Variants in ZRANB3 observed in about 807,000 individuals in gnomAD.
ZRANB3 encodes the protein DNA annealing helicase and endonuclease ZRANB3.
Under a neutral mutation model 133.8 loss-of-function variants are expected in ZRANB3, and 125 were observed. The ratio of observed to expected loss-of-function variants is 0.93; its 90% CI spans 0.81 to 1.08. The LOEUF is 1.08. ZRANB3 is among the 50% of genes least tolerant of loss of function. The pLI is 0.00. For missense variants in ZRANB3, 1,229 were observed against 1,275.5 expected (o/e 0.96, Z 0.56); for synonymous variants, 387 against 432.7 (o/e 0.89, Z 1.31).
intron 3 of ZRANB3, among the ~76,000 whole-genome samples, chr2:135,387,168 G>C (rs892452606): frequency 2.6e-5 from 4 of 151,816 alleles, no homozygotes; most frequent in South Asian, 4.2e-4. Context: ...AAAAAAAGTA[G>C]GTTCAATAAC....
intron 6 of ZRANB3, among the ~76,000 whole-genome samples, chr2:135,322,727 T>A (rs767201824): frequency 2.6e-5 from 4 of 151,530 alleles, no homozygotes; most frequent in Admixed American, 6.6e-5. Context: ...CTTAAAAAAA[T>A]TTTTGTTGAC....
intron 1 of ZRANB3, among the ~76,000 whole-genome samples, chr2:135,513,303 G>A (rs1213836968): frequency 6.6e-6 from 1 of 152,126 alleles, no homozygotes; most frequent in Non-Finnish European, 1.5e-5. Context: ...CTTCCTGGTT[G>A]TAAAATTTAC....
At chr2:135,294,432 G>A (rs1236454620) in intron 8 of ZRANB3, among the ~76,000 whole-genome samples, 9 of 152,144 alleles carry the variant, frequency 5.9e-5, no homozygotes, top group African/African-American at 1.9e-4. Context: ...CTGTGGGATC[G>A]GCGGTGATAT....
intron 3 of ZRANB3, 49 bp downstream of exon 3, chr2:135,390,753 A>G: frequency 6.4e-7 from 1 of 1,556,038 alleles, no homozygotes; most frequent in Non-Finnish European, 8.7e-7. Flanking sequence ...GACACTAAAA[A>G]CAAGCTGTGT....
At chr2:135,228,958 T>A (rs958527741) in intron 13 of ZRANB3, among the ~76,000 whole-genome samples, 2 of 152,142 alleles carry the variant, frequency 1.3e-5, no homozygotes, top group Non-Finnish European at 2.9e-5. Context: ...AAAGGAAAAA[T>A]CAGAACTATA....
intron 6 of ZRANB3, among the ~76,000 whole-genome samples, chr2:135,336,554 T>C (rs1304202031): frequency 1.3e-5 from 2 of 152,172 alleles, no homozygotes; most frequent in Non-Finnish European, 2.9e-5. Flanking sequence ...AGTAAAGGAA[T>C]AACATAAAAC....
chr2:135,493,214 G>A (rs1272888867), intron 2 of ZRANB3, among the ~76,000 whole-genome samples: 1 of 134,102 alleles, frequency 7.5e-6, no homozygotes, highest in East Asian at 2.2e-4. Flanking sequence ...GAAGAAAACA[G>A]AAGACGATTT....
intron 12 of ZRANB3, among the ~76,000 whole-genome samples, chr2:135,251,039 C>A (rs907932594): frequency 1.3e-5 from 2 of 152,180 alleles, no homozygotes; most frequent in African/African-American, 4.8e-5. Context: ...AGGCTGTACC[C>A]TACAATGCCA....
chr2:135,510,252 C>T (rs914049800), intron 1 of ZRANB3, among the ~76,000 whole-genome samples: 4 of 152,136 alleles, frequency 2.6e-5, no homozygotes, highest in African/African-American at 9.7e-5. Context: ...AAAATCCAGT[C>T]TGTACATGCA....
chr2:135,239,417 C>CAAAA (rs11409886), intron 12 of ZRANB3, among the ~76,000 whole-genome samples: 1 of 146,742 alleles, frequency 6.8e-6, no homozygotes, highest in African/African-American at 2.5e-5. Context: ...TATAAAAAAT[C>CAAAA]AAAAAAAAAA....
chr2:135,206,266 G>C (rs976886117), intron 19 of ZRANB3, among the ~76,000 whole-genome samples: 4 of 150,554 alleles, frequency 2.7e-5, no homozygotes, highest in Non-Finnish European at 4.4e-5. Context: ...TGGAGACAGA[G>C]TCTTGCTCTG....
At position 135,260,598 on chromosome 2, in the gene ZRANB3, T is replaced by A. The variant is rs541596069; in HGVS notation, c.1539+4936A>T. On this transcript the variant is annotated intron_variant, in intron 12 of 20. Coordinates refer to ENST00000264159, the MANE Select transcript of ZRANB3 (RefSeq NM_032143.4). ...ATTCAAGTATATATATATTCAAGTA[T>A]ATATAGTATATATGTACTATATATA... Among the ~76,000 whole-genome samples the A allele has an allele frequency of 2.7e-3, 399 of 147,958 alleles. 1 individual carries two copies. Among genetic ancestry groups the A allele is most frequent in the African/African-American group, 8.6e-3 (352 of 40,762 alleles).
chr2:135,231,034 T>A, intron 12 of ZRANB3, 107 bp from the exon 13 acceptor site: 1 of 995,878 alleles, frequency 1.0e-6, no homozygotes, highest in Non-Finnish European at 1.4e-6. Context: ...GCCTTATCCT[T>A]TAAATACCTT....
At chr2:135,381,237 G>A (rs913268083) in intron 3 of ZRANB3, among the ~76,000 whole-genome samples, 3 of 152,162 alleles carry the variant, frequency 2.0e-5, no homozygotes, top group Non-Finnish European at 4.4e-5. Flanking sequence ...CTACGCCCAC[G>A]GAGCCTAGCT....
rs1222053120 is a variant in ZRANB3 at position 135,220,697 on chromosome 2, CAAA to C, written c.2251-1522_2251-1520del. 6.0e-3 allele frequency among the ~76,000 whole-genome samples: 328 copies of C among 54,886 alleles called. 3 individuals carry two copies. Among genetic ancestry groups the C allele is most frequent in the African/African-American group, 0.017 (302 of 17,312 alleles). 36.0% of individuals were successfully genotyped at this position (54,886 alleles called of 152,430 possible). A position where few individuals can be genotyped will look rare whatever the true frequency, so the allele number is the denominator to read the frequency against. ...TGGGTGGCAGAGAGAGACTCCATCT[CAAA>C]AAAAAAAAAAAAAAAAAATTGATAT... On this transcript the variant is annotated intron_variant, in intron 15 of 20. Transcript: ENST00000264159.
chr2:135,335,519 C>A (rs1684330115), intron 6 of ZRANB3, among the ~76,000 whole-genome samples: 1 of 151,932 alleles, frequency 6.6e-6, no homozygotes. Flanking sequence ...ATGGTGAAAC[C>A]CTGTTTCCAC....
At chr2:135,407,990 A>G (rs1166204121) in intron 2 of ZRANB3, among the ~76,000 whole-genome samples, 2 of 151,786 alleles carry the variant, frequency 1.3e-5, no homozygotes, top group Non-Finnish European at 2.9e-5. Flanking sequence ...TAATTAAACT[A>G]AAGAGCTTCT....
chr2:135,345,408 T>G, intron 6 of ZRANB3, 142 bp downstream of exon 6: 1 of 577,474 alleles, frequency 1.7e-6, no homozygotes, highest in Non-Finnish European at 3.0e-6. Context: ...GCAGAGATTG[T>G]AGTGAGCCAT....
intron 12 of ZRANB3, among the ~76,000 whole-genome samples, chr2:135,242,031 G>T (rs534087696): frequency 3.9e-5 from 6 of 152,064 alleles, no homozygotes; most frequent in African/African-American, 1.2e-4. Context: ...AATACAAAAA[G>T]TAGCTGGGCA....
Sources: gnomAD v4.1 joint callset for allele counts (sites outside exome capture counted in the v4.1 genomes callset) on GRCh38, gnomAD v4.1.1 for gene constraint, MANE v1.5 for transcripts, NCBI Gene and HGNC (gene_info 2026-07-23, HGNC 2026-07-21) for gene names.